Variants in SLC38A11 observed in about 807,000 individuals in gnomAD.
SLC38A11 encodes solute carrier family 38 member 11.
SLC38A11 carries 51 observed loss-of-function variants against 49.4 expected under a neutral mutation model. That is an observed-to-expected ratio of 1.03 (90% CI 0.83 to 1.30). SLC38A11 has a LOEUF of 1.30. Among genes scored for constraint, SLC38A11 ranks in the 50% most tolerant of loss-of-function variants. The pLI is 0.00. For synonymous variants in SLC38A11, 203 were observed against 192.9 expected, an observed-to-expected ratio of 1.05 and a Z score of -0.43; for missense variants, 574 against 556.2, an observed-to-expected ratio of 1.03 and a Z score of -0.32.
At chr2:164,943,615 G>A (rs1687924365) in intron 5 of SLC38A11, among the ~76,000 whole-genome samples, 1 of 152,142 alleles carries the variant, frequency 6.6e-6, no homozygotes, top group South Asian at 2.1e-4. Context: ...TGACTACAAA[G>A]GGAAATGGGG....
intron 7 of SLC38A11, among the ~76,000 whole-genome samples, chr2:164,922,700 C>G (rs1374692013): frequency 6.6e-6 from 1 of 152,142 alleles, no homozygotes; most frequent in Non-Finnish European, 1.5e-5. Context: ...TATCCAACAT[C>G]ATTTTTTAAA....
At chr2:164,900,339 T>C (rs1367152224) in intron 11 of SLC38A11, among the ~76,000 whole-genome samples, 1 of 152,084 alleles carries the variant, frequency 6.6e-6, no homozygotes, top group Admixed American at 6.6e-5. Context: ...CTGGGTCATA[T>C]AATGGTTCTA....
chr2:164,900,472 G>A (rs144600045), intron 11 of SLC38A11, among the ~76,000 whole-genome samples: 18 of 151,974 alleles, frequency 1.2e-4, no homozygotes, highest in African/African-American at 4.3e-4. Flanking sequence ...GTTATTTCTG[G>A]TCTTTTTGAT....
rs752369880 is a variant in SLC38A11, at chr2:164,937,416, G to C, written c.551C>G (p.Ser184Cys). Residue 184 changes from serine to cysteine, a missense_variant, in exon 7 of 12, where the codon TCT becomes TGT. By Grantham distance (112) the Ser-to-Cys change is moderately radical. Coordinates refer to ENST00000685975, the MANE Select transcript of SLC38A11 (RefSeq NM_001351537.2). ...IAKLGKVSLISTGLTTLILGI... is the reference protein window; with the variant it reads ...IAKLGKVSLICTGLTTLILGI... ...AAGAATCAGAGTTGTTAAACCTGTA[G>C]AGATGAGGGAGACCTGTAAAAGAAA... The C allele has an allele frequency of 1.2e-6, 2 of 1,606,676 alleles. No homozygotes were observed. The highest frequency in any genetic ancestry group is 1.1e-5 in the South Asian group (1 of 90,720).
At chr2:164,937,779 A>G (rs1228081604) in intron 6 of SLC38A11, 1 of 167,070 alleles carries the variant, frequency 6.0e-6, no homozygotes, top group Non-Finnish European at 1.3e-5. Flanking sequence ...TTTTTCTTCA[A>G]GTCTTATTTT....
Position 164,895,396 on chromosome 2 carries a change from A to G in SLC38A11, c.*3041T>C, listed in dbSNP as rs1684364379. ...TGACCTCATGGTCACTCATTGATTC[A>G]TGCTTGGGCCACCTGACAACATTTG... On this transcript the variant is annotated 3_prime_UTR_variant, in exon 12 of 12. Transcript: ENST00000685975. Among the ~76,000 whole-genome samples the G allele has an allele frequency of 6.6e-6, 1 of 152,160 alleles. No individual in the cohort carries two copies. Among genetic ancestry groups the G allele is most frequent in the Non-Finnish European group, 1.5e-5 (1 of 68,032 alleles).
At chr2:164,946,033 G>A (rs1370126158) in intron 3 of SLC38A11, among the ~76,000 whole-genome samples, 2 of 152,136 alleles carry the variant, frequency 1.3e-5, no homozygotes, top group East Asian at 3.9e-4. Flanking sequence ...CTTTCCTGAT[G>A]TAACCAATGC....
intron 11 of SLC38A11, among the ~76,000 whole-genome samples, chr2:164,900,138 G>A (rs1442173100): frequency 6.6e-6 from 1 of 152,004 alleles, no homozygotes; most frequent in African/African-American, 2.4e-5. Flanking sequence ...CCTTTTTCAA[G>A]GCTGAATAAT....
chr2:164,936,634 T>G lies in SLC38A11; in HGVS notation c.617+716A>C, dbSNP rs182164678. Among the ~76,000 whole-genome samples the G allele has an allele frequency of 1.3e-3, 204 of 152,298 alleles. 1 individual carries two copies. Among genetic ancestry groups the G allele is most frequent in the Non-Finnish European group, 1.9e-3 (129 of 68,016 alleles). ...AATTGTGGAAATCCAATTCAGTGTT[T>G]AAAGCCAATCTAACCTGGTTTCATT... is the stretch of plus-strand genomic sequence containing the variant. On this transcript the variant is annotated intron_variant, in intron 7 of 11. Coordinates refer to ENST00000685975, the MANE Select transcript of SLC38A11 (RefSeq NM_001351537.2).
intron 7 of SLC38A11, among the ~76,000 whole-genome samples, chr2:164,927,609 C>G (rs908187206): frequency 6.6e-6 from 1 of 152,180 alleles, no homozygotes; most frequent in Non-Finnish European, 1.5e-5. Flanking sequence ...TATCTCATCT[C>G]TGCATCACAC....
At chr2:164,935,347 A>G (rs1687291305) in intron 7 of SLC38A11, among the ~76,000 whole-genome samples, 1 of 151,930 alleles carries the variant, frequency 6.6e-6, no homozygotes, top group South Asian at 2.1e-4. Context: ...ATAAATGGCC[A>G]TATTGAAGTG....
chr2:164,915,854 G>T (rs1361756378), intron 8 of SLC38A11, 49 bp downstream of exon 8: 2 of 1,421,238 alleles, frequency 1.4e-6, no homozygotes, highest in East Asian at 2.3e-5. Flanking sequence ...CTTTTTCATG[G>T]AACAGAGAAC....
chr2:164,937,907 A>G (rs1687486393), intron 6 of SLC38A11, among the ~76,000 whole-genome samples: 1 of 151,112 alleles, frequency 6.6e-6, no homozygotes, highest in South Asian at 2.1e-4. Flanking sequence ...GGGGTATCTC[A>G]GCTTTTTCCT....
At chr2:164,942,512 A>T (rs1687850462) in intron 5 of SLC38A11, among the ~76,000 whole-genome samples, 1 of 152,110 alleles carries the variant, frequency 6.6e-6, no homozygotes, top group African/African-American at 2.4e-5. Context: ...AAAATAACAA[A>T]GAAAACCCCC....
intron 7 of SLC38A11, among the ~76,000 whole-genome samples, chr2:164,936,144 AT>A (rs1343065112): frequency 1.3e-5 from 2 of 152,230 alleles, no homozygotes; most frequent in Admixed American, 6.5e-5. Context: ...GAAGAAAAAA[AT>A]AATATAAATA....
chr2:164,915,866 C>G (rs371578679), intron 8 of SLC38A11, 37 bp downstream of exon 8: 8 of 1,512,920 alleles, frequency 5.3e-6, no homozygotes, highest in Non-Finnish European at 6.4e-6. Flanking sequence ...ACAGAGAACT[C>G]CACATTGAGA....
At chr2:164,951,886 A>G (rs1474551682) in intron 3 of SLC38A11, among the ~76,000 whole-genome samples, 1 of 152,154 alleles carries the variant, frequency 6.6e-6, no homozygotes, top group Non-Finnish European at 1.5e-5. Context: ...AACACTCCAG[A>G]GCAAAGGGCA....
rs1184902930 is a variant in SLC38A11 at position 164,954,727 on chromosome 2, C to T, written c.58G>A (p.Glu20Lys). 3 of 1,525,586 alleles carry T rather than the reference C, an allele frequency of 2.0e-6. No homozygotes were observed. Among genetic ancestry groups the T allele is most frequent in the Non-Finnish European group, 2.6e-6 (3 of 1,132,082 alleles). The allele number at this position is 1,525,586 out of a possible 1,614,324, so 94.5% of individuals were successfully genotyped here. ...IPPQRDLDDR[E>K]TLVSEHEYKE... ...TACTCATGTTCAGAAACAAGGGTTTCTCTGTCATCTAAATCTCTCTAATAG... is the reference window on the plus strand; with the variant it reads ...TACTCATGTTCAGAAACAAGGGTTTTTCTGTCATCTAAATCTCTCTAATAG... The change falls in exon 2 of 12, where the codon GAA (glutamate) becomes AAA (lysine). Residue 20 changes from glutamate to lysine, a missense_variant. Transcript: ENST00000685975.
Position 164,896,703 on chromosome 2 carries a change from T to G in SLC38A11, c.*1734A>C, listed in dbSNP as rs1425473161. ...TACAGAAAAGTTACCCAACAGAATT[T>G]AAATTAATTTAATGGTAAGGATAAT... On this transcript the variant is annotated 3_prime_UTR_variant, in exon 12 of 12. Coordinates refer to ENST00000685975, the MANE Select transcript of SLC38A11 (RefSeq NM_001351537.2). 1 of 152,148 alleles carries G rather than the reference T, an allele frequency of 6.6e-6. No individual in the cohort carries two copies. Among genetic ancestry groups the G allele is most frequent in the African/African-American group, 2.4e-5 (1 of 41,436 alleles). The allele number at this position is 152,148 out of a possible 1,614,324, so 9.4% of individuals were successfully genotyped here.
Sources: gnomAD v4.1 joint callset for allele counts (sites outside exome capture counted in the v4.1 genomes callset) on GRCh38, gnomAD v4.1.1 for gene constraint, MANE v1.5 for transcripts, NCBI Gene and HGNC (gene_info 2026-07-23, HGNC 2026-07-21) for gene names.